The following KIF2A variants were observed in gnomAD, a reference collection of about 807,000 sequenced individuals.
The protein encoded by KIF2A is kinesin-like protein KIF2A.
Under a neutral mutation model 100.2 loss-of-function variants are expected in KIF2A, and 22 were observed. The ratio of observed to expected loss-of-function variants is 0.22; its 90% CI spans 0.16 to 0.31. The LOEUF is 0.31. KIF2A is among the 10% of genes least tolerant of loss of function. The pLI, the probability that KIF2A is intolerant of heterozygous loss-of-function variation, is 1.00. For missense variants in KIF2A, 495 were observed against 898.7 expected, an observed-to-expected ratio of 0.55 and a Z score of 5.74; for synonymous variants, 268 against 285.9, an observed-to-expected ratio of 0.94 and a Z score of 0.63.
intron 18 of KIF2A, among the ~76,000 whole-genome samples, chr5:62,376,901 C>T (rs1220190583): frequency 6.6e-6 from 1 of 152,160 alleles, no homozygotes; most frequent in Admixed American, 6.6e-5. Context: ...ACCCAAATTG[C>T]GCATACACAA....
chr5:62,341,306 ATTT>A (rs200726866), intron 1 of KIF2A, among the ~76,000 whole-genome samples: 3 of 145,406 alleles, frequency 2.1e-5, no homozygotes, highest in African/African-American at 7.6e-5. Context: ...TGTCTCCTTG[ATTT>A]TTTTTTTTTT....
rs1474227800 is a variant in KIF2A at position 62,387,776 on chromosome 5, ATTTG to A, written c.*2211_*2214del. 6.6e-6 allele frequency: 1 copy of A among 152,010 alleles called. No individual in the cohort carries two copies. The highest frequency in any genetic ancestry group is 1.9e-4 in the East Asian group (1 of 5,192). The allele number at this position is 152,010 out of a possible 1,614,324, so 9.4% of individuals were successfully genotyped here. A position where few individuals can be genotyped will look rare whatever the true frequency, so the allele number is the denominator to read the frequency against. ...CTACTCTTAATGTATATTATTTCAT[ATTTG>A]TTTAACAAAAGCAGCTTGATGCCTT... On this transcript the variant is annotated 3_prime_UTR_variant, in exon 21 of 21. Coordinates refer to ENST00000407818, the MANE Select transcript of KIF2A (RefSeq NM_001098511.3).
chr5:62,331,585 G>A (rs1022289919), intron 1 of KIF2A, among the ~76,000 whole-genome samples: 54 of 152,014 alleles, frequency 3.6e-4, no homozygotes, highest in African/African-American at 2.9e-4. Context: ...GCGAGACTCC[G>A]TCTCAAGAAA....
chr5:62,390,487 T>C lies in KIF2A; in HGVS notation c.*4918T>C, dbSNP rs1011753962. Among the ~76,000 whole-genome samples the C allele has an allele frequency of 3.9e-5, 6 of 152,210 alleles. No individual in the cohort carries two copies. Among genetic ancestry groups the C allele is most frequent in the African/African-American group, 1.4e-4 (6 of 41,458 alleles). ...ATTCCCAGTAAGGAAATTTTAAAAA[T>C]CAGATCCAGTTACATGTATTATGAT... On this transcript the variant is annotated 3_prime_UTR_variant, in exon 21 of 21. Transcript: ENST00000407818.
Position 62,381,150 on chromosome 5 carries a change from C to T in KIF2A, c.2046C>T (p.Ala682=), listed in dbSNP as rs1561283093. ...ESIRWLEDEK[A]LLEMTEEVDY... is the part of the protein sequence containing the mutation. ...TTCGGTGGTTAGAAGATGAAAAGGC[C>T]CTCTTAGAGATGACTGAAGAAGTAG... The change falls in exon 20 of 21, where the codon GCC becomes GCT. Residue 682 remains alanine, a synonymous_variant. Coordinates refer to ENST00000407818, the MANE Select transcript of KIF2A (RefSeq NM_001098511.3). 1 of 1,610,544 alleles carries T rather than the reference C, an allele frequency of 6.2e-7. No homozygotes were observed. The highest frequency in any genetic ancestry group is 8.5e-7 in the Non-Finnish European group (1 of 1,177,124).
chr5:62,352,572 T>C lies in KIF2A; in HGVS notation c.335-16T>C, dbSNP rs778206854. ...TTTTCTATCCTGAATTTAAAATTTT[T>C]TTTTTTTACTTACAGTGGTTGGTTC... is the stretch of plus-strand genomic sequence containing the variant. On this transcript the variant is annotated splice_polypyrimidine_tract_variant and intron_variant, in intron 4 of 20. Coordinates refer to ENST00000407818, the MANE Select transcript of KIF2A (RefSeq NM_001098511.3). 8.0e-6 allele frequency: 12 copies of C among 1,506,828 alleles called. No homozygotes were observed. Among genetic ancestry groups the C allele is most frequent in the Admixed American group, 7.5e-5 (3 of 40,194 alleles). 93.3% of individuals were successfully genotyped at this position (1,506,828 alleles called of 1,614,324 possible). A position where few individuals can be genotyped will look rare whatever the true frequency, so the allele number is the denominator to read the frequency against.
intron 2 of KIF2A, among the ~76,000 whole-genome samples, chr5:62,347,477 G>A (rs1372723633): frequency 6.6e-6 from 1 of 152,108 alleles, no homozygotes; most frequent in Non-Finnish European, 1.5e-5. Context: ...GTTTGAAAAT[G>A]TGCTATAATA....
intron 1 of KIF2A, among the ~76,000 whole-genome samples, chr5:62,328,096 G>C (rs993073972): frequency 6.6e-6 from 1 of 152,114 alleles, no homozygotes; most frequent in Non-Finnish European, 1.5e-5. Flanking sequence ...TGAACTATTG[G>C]CAACATGTTG....
intron 19 of KIF2A, among the ~76,000 whole-genome samples, chr5:62,378,127 A>G (rs1392453606): frequency 6.6e-6 from 1 of 152,200 alleles, no homozygotes; most frequent in Non-Finnish European, 1.5e-5. Flanking sequence ...GGAGCAGTTG[A>G]GGAAGTATCA....
At chr5:62,309,356 A>G (rs1745457443) in intron 1 of KIF2A, among the ~76,000 whole-genome samples, 1 of 152,226 alleles carries the variant, frequency 6.6e-6, no homozygotes, top group Non-Finnish European at 1.5e-5. Context: ...ATGGTCATGT[A>G]TCTTTTTATG....
chr5:62,321,818 C>T (rs551605724), intron 1 of KIF2A, among the ~76,000 whole-genome samples: 1 of 152,262 alleles, frequency 6.6e-6, no homozygotes, highest in Admixed American at 6.5e-5. Context: ...CTTGGCCTCC[C>T]AAAATTCTGG....
chr5:62,358,020 C>A, intron 8 of KIF2A, 117 bp from the exon 9 acceptor site: 2 of 782,188 alleles, frequency 2.6e-6, no homozygotes, highest in South Asian at 2.1e-5. Flanking sequence ...GGGATATTAT[C>A]TTTATATGTA....
At chr5:62,339,101 A>G (rs1344515953) in intron 1 of KIF2A, among the ~76,000 whole-genome samples, 1 of 152,216 alleles carries the variant, frequency 6.6e-6, no homozygotes, top group African/African-American at 2.4e-5. Context: ...TATAAAGAAA[A>G]GAGGTTTAAT....
chr5:62,340,271 CA>C (rs1747229047), intron 1 of KIF2A, among the ~76,000 whole-genome samples: 2 of 152,200 alleles, frequency 1.3e-5, no homozygotes, highest in Admixed American at 1.3e-4. Context: ...TATGGGGTTT[CA>C]AAAGTGTTTT....
At chr5:62,327,289 C>A (rs1267462202) in intron 1 of KIF2A, among the ~76,000 whole-genome samples, 1 of 152,086 alleles carries the variant, frequency 6.6e-6, no homozygotes, top group Non-Finnish European at 1.5e-5. Context: ...TTCATTATTG[C>A]TCTGCCTGAA....
At chr5:62,337,541 T>C (rs1027472948) in intron 1 of KIF2A, among the ~76,000 whole-genome samples, 3 of 151,740 alleles carry the variant, frequency 2.0e-5, no homozygotes, top group Non-Finnish European at 4.4e-5. Flanking sequence ...CTAATAAGAT[T>C]GTTATGAGAG....
chr5:62,338,298 T>G (rs1747084558), intron 1 of KIF2A, among the ~76,000 whole-genome samples: 1 of 152,200 alleles, frequency 6.6e-6, no homozygotes, highest in Non-Finnish European at 1.5e-5. Flanking sequence ...TGTAAAATTT[T>G]ATTTATTCGA....
chr5:62,389,431 A>G lies in KIF2A; in HGVS notation c.*3862A>G, dbSNP rs137894511. ...AACCCAGGAGGCGGAGGTTGCAGTG[A>G]GCTGAGATTGTGCCACTGGAGTCCA... is the stretch of plus-strand genomic sequence containing the variant. On this transcript the variant is annotated 3_prime_UTR_variant, in exon 21 of 21. Transcript: ENST00000407818. Among the ~76,000 whole-genome samples the G allele has an allele frequency of 0.015, 2,148 of 143,264 alleles. 47 individuals carry two copies. Among genetic ancestry groups the G allele is most frequent in the African/African-American group, 0.054 (2,032 of 37,772 alleles). 94.0% of individuals were successfully genotyped at this position (143,264 alleles called of 152,430 possible). A position where few individuals can be genotyped will look rare whatever the true frequency, so the allele number is the denominator to read the frequency against.
At chr5:62,345,313 C>T (rs1026986092) in intron 1 of KIF2A, among the ~76,000 whole-genome samples, 23 of 151,746 alleles carry the variant, frequency 1.5e-4, no homozygotes, top group African/African-American at 5.3e-4. Flanking sequence ...GCTTGAACCC[C>T]AGACACGGAG....
Sources: allele counts gnomAD v4.1 joint callset (sites outside exome capture counted in the v4.1 genomes callset), GRCh38; gene constraint gnomAD v4.1.1; transcripts MANE v1.5; gene names NCBI Gene and HGNC (gene_info 2026-07-23, HGNC 2026-07-21).